NMRK1: variants seen among roughly 807,000 people sequenced by gnomAD.
NMRK1 encodes the protein NRK 1.
NMRK1 carries 28 observed loss-of-function variants against 29.9 expected under a neutral mutation model. That is an observed-to-expected ratio of 0.94 (90% CI 0.69 to 1.28). The LOEUF is 1.28. NMRK1 is among the 50% of genes most tolerant of loss of function. The pLI, the probability that NMRK1 is intolerant of heterozygous loss-of-function variation, is 0.00. For synonymous variants in NMRK1, 58 were observed against 73.0 expected (o/e 0.79, Z 1.05); for missense variants, 218 against 233.1 (o/e 0.94, Z 0.42).
chr9:75,067,979 A>T lies in NMRK1; in HGVS notation c.496+1017T>A, dbSNP rs138439797. 3.9e-5 allele frequency among the ~76,000 whole-genome samples: 6 copies of T among 152,288 alleles called. No homozygotes were observed. In the East Asian group the frequency reaches 1.2e-3, roughly 29 times the overall value. ...ATTCCAGTGATCTGTTCTTAGCTCA[A>T]GCCCACAGATCCGGATGCTTACCTC... On this transcript the variant is annotated intron_variant, in intron 7 of 8. Transcript: ENST00000361092.
chr9:75,061,840 A>G (rs1007837892), intron 8 of NMRK1, among the ~76,000 whole-genome samples: 1 of 152,228 alleles, frequency 6.6e-6, no homozygotes, highest in Non-Finnish European at 1.5e-5. Context: ...ATATAGTTTG[A>G]AGACTAGAAT....
intron 1 of NMRK1, among the ~76,000 whole-genome samples, chr9:75,086,835 G>T (rs1824669067): frequency 3.3e-5 from 5 of 151,862 alleles, no homozygotes; most frequent in Admixed American, 3.3e-4. Flanking sequence ...TCTTCTTCCA[G>T]GAGATAGGGC....
At chr9:75,081,265 A>T (rs984490271) in intron 2 of NMRK1, among the ~76,000 whole-genome samples, 4 of 152,200 alleles carry the variant, frequency 2.6e-5, no homozygotes, top group Non-Finnish European at 5.9e-5. Context: ...TGAATCCGGC[A>T]TGGGCTTCAC....
intron 3 of NMRK1, 136 bp downstream of exon 3, chr9:75,077,354 G>A: frequency 3.6e-6 from 3 of 840,120 alleles, no homozygotes; most frequent in Non-Finnish European, 5.9e-6. Context: ...TAGTGGATAA[G>A]TAACACCATT....
chr9:75,069,115 G>A lies in NMRK1; in HGVS notation c.390-13C>T, dbSNP rs544734918. 346 of 1,563,830 alleles carry A rather than the reference G, an allele frequency of 2.2e-4. 1 individual carries two copies. The South Asian group carries it at 3.4e-3, about 15-fold the overall frequency. On this transcript the variant is annotated splice_polypyrimidine_tract_variant and intron_variant, in intron 6 of 8. Transcript: ENST00000361092. ...ATAGACCCTTGTACTATCAAAACACGTAGGAAACTTTATGTTGACAGAAAC... is the reference window on the plus strand; with the variant it reads ...ATAGACCCTTGTACTATCAAAACACATAGGAAACTTTATGTTGACAGAAAC...
At chr9:75,068,529 C>T (rs1823502128) in intron 7 of NMRK1, among the ~76,000 whole-genome samples, 1 of 152,220 alleles carries the variant, frequency 6.6e-6, no homozygotes, top group African/African-American at 2.4e-5. Flanking sequence ...ATCTCCCCAA[C>T]CCATCTCCTT....
intron 1 of NMRK1, among the ~76,000 whole-genome samples, chr9:75,086,035 C>T (rs1824607662): frequency 6.6e-6 from 1 of 151,884 alleles, no homozygotes; most frequent in Non-Finnish European, 1.5e-5. Context: ...CTGGCACTGT[C>T]CACCTCCACA....
chr9:75,063,080 G>A (rs1280330551), intron 8 of NMRK1, among the ~76,000 whole-genome samples: 2 of 151,304 alleles, frequency 1.3e-5, no homozygotes, highest in Non-Finnish European at 2.9e-5. Flanking sequence ...GGAGGCCGAG[G>A]CGGGCGGAGG....
chr9:75,062,963 G>A (rs1823112036), intron 8 of NMRK1, among the ~76,000 whole-genome samples: 1 of 152,114 alleles, frequency 6.6e-6, no homozygotes, highest in Non-Finnish European at 1.5e-5. Context: ...CCCAGAAGGT[G>A]GAGGTTGCAG....
chr9:75,078,065 A>T (rs1225440547), intron 2 of NMRK1, among the ~76,000 whole-genome samples: 1 of 152,240 alleles, frequency 6.6e-6, no homozygotes, highest in Non-Finnish European at 1.5e-5. Flanking sequence ...TAATAATAAG[A>T]AATAAGCTGG....
intron 1 of NMRK1, among the ~76,000 whole-genome samples, chr9:75,086,982 T>C (rs1175844772): frequency 6.6e-5 from 10 of 151,616 alleles, no homozygotes; most frequent in Non-Finnish European, 1.5e-4. Context: ...CTCGGCTTAC[T>C]GCAACCTCCG....
At chr9:75,082,488 T>C (rs1002202516) in intron 2 of NMRK1, among the ~76,000 whole-genome samples, 3 of 152,242 alleles carry the variant, frequency 2.0e-5, no homozygotes, top group East Asian at 1.9e-4. Context: ...GAACATAATA[T>C]GGTAGCAAAA....
At chr9:75,085,328 C>T (rs1047942954) in intron 1 of NMRK1, among the ~76,000 whole-genome samples, 1 of 152,184 alleles carries the variant, frequency 6.6e-6, no homozygotes, top group East Asian at 1.9e-4. Context: ...AGTGGAAAAG[C>T]CAGATATTAA....
intron 2 of NMRK1, among the ~76,000 whole-genome samples, chr9:75,080,542 C>G (rs1174595194): frequency 6.6e-6 from 1 of 152,136 alleles, no homozygotes; most frequent in African/African-American, 2.4e-5. Context: ...GTCCCAGCAA[C>G]TTGGGAGGCT....
intron 2 of NMRK1, among the ~76,000 whole-genome samples, chr9:75,080,623 G>T (rs1171432520): frequency 6.6e-6 from 1 of 152,190 alleles, no homozygotes; most frequent in Non-Finnish European, 1.5e-5. Flanking sequence ...CTGCACTCCA[G>T]CCTGGGCGAG....
rs1824416750 is a variant in NMRK1, at chr9:75,083,165, A to C, written c.-35-15T>G. 2 of 1,278,460 alleles carry C rather than the reference A, an allele frequency of 1.6e-6. No homozygotes were observed. Among genetic ancestry groups the C allele is most frequent in the South Asian group, 2.4e-5 (2 of 83,806 alleles). The allele number at this position is 1,278,460 out of a possible 1,614,324, so 79.2% of individuals were successfully genotyped here. A position where few individuals can be genotyped will look rare whatever the true frequency, so the allele number is the denominator to read the frequency against. ...CCTAATATTTCCTAAAAGTAAAAAA[A>C]CAAACAAACAAATCAAATGCATTTC... On this transcript the variant is annotated splice_polypyrimidine_tract_variant and intron_variant, in intron 1 of 8. Transcript: ENST00000361092.
intron 2 of NMRK1, among the ~76,000 whole-genome samples, 184 bp from the exon 3 acceptor site, chr9:75,077,764 G>A (rs1324121455): frequency 6.6e-6 from 1 of 151,840 alleles, no homozygotes; most frequent in East Asian, 1.9e-4. Context: ...GCCTCCCGAG[G>A]AGCTGGGATT....
intron 2 of NMRK1, among the ~76,000 whole-genome samples, chr9:75,079,110 G>A (rs1294627757): frequency 6.6e-6 from 1 of 152,084 alleles, no homozygotes; most frequent in African/African-American, 2.4e-5. Flanking sequence ...CTAGAAAAGG[G>A]AAAATGAACT....
chr9:75,068,942 T>A, intron 7 of NMRK1, 54 bp downstream of exon 7: 3 of 1,243,946 alleles, frequency 2.4e-6, no homozygotes, highest in Non-Finnish European at 3.5e-6. Context: ...TTTTCTATAC[T>A]TTGAGGCAAA....
Sources: gnomAD v4.1 joint callset for allele counts (sites outside exome capture counted in the v4.1 genomes callset) on GRCh38, gnomAD v4.1.1 for gene constraint, MANE v1.5 for transcripts, NCBI Gene and HGNC (gene_info 2026-07-23, HGNC 2026-07-21) for gene names.